SLC36A4: variants seen among roughly 807,000 people sequenced by gnomAD.
The protein encoded by SLC36A4 is solute carrier family 36 member 4.
Under a neutral mutation model 50.5 loss-of-function variants are expected in SLC36A4, and 49 were observed. The observed-to-expected ratio is 0.97, with a 90% CI of 0.77 to 1.23. SLC36A4 has a LOEUF of 1.23. Among genes scored for constraint, SLC36A4 ranks in the 50% most tolerant of loss-of-function variants. The probability of loss-of-function intolerance (pLI) is 0.00; values close to 1 mark genes in which losing one functional copy is unlikely to be tolerated. For synonymous variants in SLC36A4, 207 were observed against 206.5 expected (o/e 1.00, Z -0.02); for missense variants, 611 against 608.4 (o/e 1.00, Z -0.05).
chr11:93,159,169 A>C (rs1350868541), intron 9 of SLC36A4, among the ~76,000 whole-genome samples: 1 of 152,152 alleles, frequency 6.6e-6, no homozygotes, highest in Non-Finnish European at 1.5e-5. Flanking sequence ...ATCTATTATA[A>C]TGATAGTAAA....
At chr11:93,163,460 TA>T (rs1860721752) in intron 8 of SLC36A4, among the ~76,000 whole-genome samples, 1 of 152,206 alleles carries the variant, frequency 6.6e-6, no homozygotes, top group Admixed American at 6.5e-5. Context: ...GTATTTTACA[TA>T]AAACCCCTCC....
chr11:93,160,642 G>A (rs1187531750), intron 9 of SLC36A4: 2 of 985,146 alleles, frequency 2.0e-6, no homozygotes, highest in Non-Finnish European at 2.4e-6. Context: ...TTATGTGCCT[G>A]GTAATACAAA....
intron 6 of SLC36A4, among the ~76,000 whole-genome samples, chr11:93,169,575 A>C (rs1172627294): frequency 6.6e-6 from 1 of 152,162 alleles, no homozygotes. Flanking sequence ...GTTTAGTGTC[A>C]GTATAAATGT....
chr11:93,158,931 A>T (rs2134641360), intron 9 of SLC36A4, among the ~76,000 whole-genome samples: 2 of 152,286 alleles, frequency 1.3e-5, no homozygotes, highest in South Asian at 4.1e-4. Context: ...TTTAGTGTAC[A>T]TTAAAAGGTC....
At chr11:93,196,389 CAG>C (rs1269670825) in intron 1 of SLC36A4, among the ~76,000 whole-genome samples, 3 of 151,698 alleles carry the variant, frequency 2.0e-5, no homozygotes, top group Non-Finnish European at 4.4e-5. Context: ...TTTTTTGAGA[CAG>C]AGTCTCGCTC....
intron 10 of SLC36A4, among the ~76,000 whole-genome samples, chr11:93,150,642 C>T (rs186510943): frequency 2.0e-5 from 3 of 152,054 alleles, no homozygotes; most frequent in Admixed American, 1.3e-4. Flanking sequence ...CTAAAGACCT[C>T]GAAAGTAGAA....
In SLC36A4 at chr11:93,197,911, A is replaced by T; in HGVS notation, c.-79T>A. 2.2e-5 allele frequency: 31 copies of T among 1,401,874 alleles called. No individual in the cohort carries two copies. The highest frequency in any genetic ancestry group is 2.9e-5 in the Non-Finnish European group (31 of 1,065,256). 86.8% of individuals were successfully genotyped at this position (1,401,874 alleles called of 1,614,324 possible). ...CGTGGCCGGCGTCAGGCCCAGGCCTACCTCCCCTGCCCGGAGGGACCCGCG... is the reference window on the plus strand; with the variant it reads ...CGTGGCCGGCGTCAGGCCCAGGCCTTCCTCCCCTGCCCGGAGGGACCCGCG... On this transcript the variant is annotated 5_prime_UTR_variant, in exon 1 of 11. It removes the in-frame stop codon of an upstream open reading frame in the 5' UTR. Coordinates refer to ENST00000326402, the MANE Select transcript of SLC36A4 (RefSeq NM_152313.4).
rs1859852102 is a variant in SLC36A4, at chr11:93,146,687, T to G, written c.*1850A>C. On this transcript the variant is annotated 3_prime_UTR_variant, in exon 11 of 11. Transcript: ENST00000326402. Reference sequence around the variant, plus strand: ...TATACAACTATAGTGATCTTGATGATATCTTCAAGTATGGTATACTAACAA... The same window carrying G: ...TATACAACTATAGTGATCTTGATGAGATCTTCAAGTATGGTATACTAACAA... 6.6e-6 allele frequency: 1 copy of G among 152,102 alleles called. No individual in the cohort carries two copies. The highest frequency in any genetic ancestry group is 2.4e-5 in the African/African-American group (1 of 41,446). 9.4% of individuals were successfully genotyped at this position (152,102 alleles called of 1,614,324 possible).
chr11:93,172,551 T>G (rs1237242983), intron 6 of SLC36A4, among the ~76,000 whole-genome samples: 3 of 151,068 alleles, frequency 2.0e-5, no homozygotes, highest in Non-Finnish European at 4.4e-5. Context: ...ACCCACTAAC[T>G]CGTCATCTAG....
chr11:93,176,776 C>T (rs1861495010), intron 6 of SLC36A4, among the ~76,000 whole-genome samples: 1 of 152,300 alleles, frequency 6.6e-6, no homozygotes, highest in African/African-American at 2.4e-5. Context: ...GAATATTGGA[C>T]CCCACTCTCT....
intron 9 of SLC36A4, among the ~76,000 whole-genome samples, chr11:93,157,906 T>G (rs1860438956): frequency 6.6e-6 from 1 of 152,188 alleles, no homozygotes; most frequent in Non-Finnish European, 1.5e-5. Flanking sequence ...TCCAATACTA[T>G]GTTGAACAGA....
intron 3 of SLC36A4, among the ~76,000 whole-genome samples, chr11:93,183,919 C>T (rs532427664): frequency 1.4e-3 from 217 of 152,214 alleles, no homozygotes; most frequent in African/African-American, 4.9e-3. Context: ...AGGATGGTCT[C>T]AATCTCCTGA....
rs914938892 is a variant in SLC36A4 at position 93,166,322 on chromosome 11, G to A, written c.769-306C>T. The A allele has an allele frequency of 8.4e-6, 9 of 1,069,144 alleles. No homozygotes were observed. The African/African-American group carries it at 1.5e-4, about 18-fold the overall frequency. The allele number at this position is 1,069,144 out of a possible 1,614,324, so 66.2% of individuals were successfully genotyped here. On this transcript the variant is annotated intron_variant, in intron 7 of 10. Coordinates refer to ENST00000326402, the MANE Select transcript of SLC36A4 (RefSeq NM_152313.4). ...ACTAGGTATGGCTCCTGCCACAACA[G>A]GAAATACATAAGCACACTCAAGGCC...
chr11:93,191,311 C>CCTA (rs1862207881), intron 1 of SLC36A4, among the ~76,000 whole-genome samples: 2 of 152,208 alleles, frequency 1.3e-5, no homozygotes, highest in African/African-American at 4.8e-5. Flanking sequence ...TGGCATTGGT[C>CCTA]ACAAGGCTGA....
In SLC36A4 at chr11:93,144,532, T is replaced by C. The variant is rs1479951626; in HGVS notation, c.*4005A>G. 2 of 152,032 alleles carry C rather than the reference T, an allele frequency of 1.3e-5. No individual in the cohort carries two copies. The highest frequency in any genetic ancestry group is 6.6e-5 in the Admixed American group (1 of 15,232). The allele number at this position is 152,032 out of a possible 1,614,324, so 9.4% of individuals were successfully genotyped here. On this transcript the variant is annotated 3_prime_UTR_variant, in exon 11 of 11. Coordinates refer to ENST00000326402, the MANE Select transcript of SLC36A4 (RefSeq NM_152313.4). ...CTGCATATACTTGTGCACGCATGCATGTAGGAACTAGCTAATTTTAATATG... is the reference window on the plus strand; with the variant it reads ...CTGCATATACTTGTGCACGCATGCACGTAGGAACTAGCTAATTTTAATATG...
intron 1 of SLC36A4, among the ~76,000 whole-genome samples, chr11:93,191,714 T>C (rs1000063508): frequency 6.6e-6 from 1 of 152,208 alleles, no homozygotes; most frequent in Non-Finnish European, 1.5e-5. Context: ...GCTTACCTTT[T>C]AGTTTGCTAG....
At chr11:93,186,434 G>T (rs537518544) in intron 1 of SLC36A4, among the ~76,000 whole-genome samples, 17 of 152,016 alleles carry the variant, frequency 1.1e-4, no homozygotes, top group African/African-American at 4.1e-4. Flanking sequence ...CTCCGTCCAG[G>T]ATTATATATT....
Position 93,165,903 on chromosome 11 carries a change from A to C in SLC36A4, c.867+15T>G. The stretch of plus-strand genomic sequence containing the variant: ...TTAAGATTTTAAAAAATAATAATAA[A>C]GACTAAATTCTTACCACTCCTATGC... On this transcript the variant is annotated intron_variant, in intron 8 of 10. Coordinates refer to ENST00000326402, the MANE Select transcript of SLC36A4 (RefSeq NM_152313.4). 6.7e-7 allele frequency: 1 copy of C among 1,483,208 alleles called. No individual in the cohort carries two copies. 91.9% of individuals were successfully genotyped at this position (1,483,208 alleles called of 1,614,324 possible).
chr11:93,174,568 G>A (rs1284982346), intron 6 of SLC36A4, among the ~76,000 whole-genome samples: 1 of 148,926 alleles, frequency 6.7e-6, no homozygotes, highest in Non-Finnish European at 1.5e-5. Flanking sequence ...CATTCAGTAT[G>A]ATGTTGGCTG....
Sources: allele counts gnomAD v4.1 joint callset (sites outside exome capture counted in the v4.1 genomes callset), GRCh38; gene constraint gnomAD v4.1.1; transcripts MANE v1.5; gene names NCBI Gene and HGNC (gene_info 2026-07-23, HGNC 2026-07-21).